The following GABRA2 variants were observed in gnomAD, a reference collection of about 807,000 sequenced individuals.
GABRA2 encodes gamma-aminobutyric acid receptor subunit alpha-2.
A neutral mutation model predicts 48.7 loss-of-function variants in GABRA2; 16 were observed. The ratio of observed to expected loss-of-function variants is 0.33; its 90% confidence interval spans 0.22 to 0.50. The LOEUF is 0.50. Ranked by LOEUF, GABRA2 falls within the 20% of genes least tolerant of loss-of-function variation. The pLI is 0.98. For missense variants in GABRA2, 275 were observed against 535.6 expected (o/e 0.51, Z 4.80); for synonymous variants, 185 against 184.5 (o/e 1.00, Z -0.02).
chr4:46,255,608 T>G (rs1715660894), intron 9 of GABRA2, among the ~76,000 whole-genome samples: 2 of 151,612 alleles, frequency 1.3e-5, no homozygotes, highest in African/African-American at 4.8e-5. Flanking sequence ...AATGTTCAGT[T>G]GTCAATTAAG....
rs1451844605 is a variant in GABRA2 at position 46,249,315 on chromosome 4, G to T, written c.*993C>A. The stretch of plus-strand genomic sequence containing the variant: ...ATTAGTGGCTTCTGAGTCTTGAAAA[G>T]AAGCCTTAAGGCAGAATTTGCAGTA... On this transcript the variant is annotated 3_prime_UTR_variant, in exon 10 of 10. Coordinates refer to ENST00000381620, the MANE Select transcript of GABRA2 (RefSeq NM_000807.4). 3 of 151,336 alleles carry T rather than the reference G, an allele frequency of 2.0e-5. No individual in the cohort carries two copies. The highest frequency in any genetic ancestry group is 3.0e-5 in the Non-Finnish European group (2 of 67,638). 9.4% of individuals were successfully genotyped at this position (151,336 alleles called of 1,614,324 possible).
At chr4:46,256,106 T>C (rs1715765801) in intron 9 of GABRA2, 2 of 441,276 alleles carry the variant, frequency 4.5e-6, no homozygotes, top group Non-Finnish European at 8.1e-6. Flanking sequence ...GAAAGCTCAT[T>C]ACTTGTAAAA....
intron 8 of GABRA2, among the ~76,000 whole-genome samples, chr4:46,276,255 T>C (rs1017408506): frequency 6.6e-6 from 1 of 152,266 alleles, no homozygotes; most frequent in Non-Finnish European, 1.5e-5. Flanking sequence ...AGCAGTAAAT[T>C]CTTCACTCAG....
chr4:46,389,807 G>GAGAGAC lies in GABRA2; in HGVS notation c.-84_-83insGTCTCT. On this transcript the variant is annotated 5_prime_UTR_variant, in exon 1 of 10. Transcript: ENST00000381620. Reference sequence around the variant, plus strand: ...TTGACGAGATAGGAAACTTGGGAGAGAGAGAGAGAGAGAGAGAGAGAGAGA... The same window carrying GAGAGAC: ...TTGACGAGATAGGAAACTTGGGAGAGAGAGACAGAGAGAGAGAGAGAGAGAGAGAGA... 1 of 304,340 alleles carries GAGAGAC rather than the reference G, an allele frequency of 3.3e-6. No individual in the cohort carries two copies. Among genetic ancestry groups the GAGAGAC allele is most frequent in the Admixed American group, 2.4e-4 (1 of 4,094 alleles). 18.9% of individuals were successfully genotyped at this position (304,340 alleles called of 1,614,324 possible).
intron 8 of GABRA2, among the ~76,000 whole-genome samples, chr4:46,264,060 A>C (rs984645056): frequency 6.6e-6 from 1 of 151,888 alleles, no homozygotes; most frequent in Non-Finnish European, 1.5e-5. Flanking sequence ...AAATGTATTT[A>C]TAGATATTGT....
At chr4:46,298,878 T>A (rs1042911350) in intron 8 of GABRA2, among the ~76,000 whole-genome samples, 2 of 151,870 alleles carry the variant, frequency 1.3e-5, no homozygotes, top group African/African-American at 2.4e-5. Flanking sequence ...ACCATTATTA[T>A]CTTGGAATTT....
At chr4:46,349,042 CTG>C (rs1281176393) in intron 3 of GABRA2, among the ~76,000 whole-genome samples, 13 of 151,982 alleles carry the variant, frequency 8.6e-5, no homozygotes, top group Non-Finnish European at 1.9e-4. Context: ...TGCAGAAAGA[CTG>C]TAATTTGCTG....
rs1338061091 is a variant in GABRA2 at position 46,357,338 on chromosome 4, G to T, written c.188-24656C>A. Among the ~76,000 whole-genome samples the T allele has an allele frequency of 2.0e-5, 3 of 149,576 alleles. No individual in the cohort carries two copies. The East Asian group carries it at 5.9e-4, about 30-fold the overall frequency. On this transcript the variant is annotated intron_variant, in intron 3 of 9. Transcript: ENST00000381620. ...CTTGGGGTTCAGGAGGAGAAAAAAG[G>T]GTCTTATTATAGGCCCCATAAGCCC...
intron 8 of GABRA2, among the ~76,000 whole-genome samples, chr4:46,271,492 C>T (rs1719325220): frequency 6.6e-6 from 1 of 151,900 alleles, no homozygotes; most frequent in African/African-American, 2.4e-5. Flanking sequence ...AATACAACCT[C>T]AGCATACTGT....
At position 46,247,917 on chromosome 4, in the gene GABRA2, TC is replaced by T. The variant is rs1339918803; in HGVS notation, c.*2390del. 6.6e-6 allele frequency among the ~76,000 whole-genome samples: 1 copy of T among 151,258 alleles called. No homozygotes were observed. The highest frequency in any genetic ancestry group is 2.4e-5 in the African/African-American group (1 of 41,428). On this transcript the variant is annotated 3_prime_UTR_variant, in exon 10 of 10. Transcript: ENST00000381620. ...TTAAAGAAATAACAAAGAATTCTGATCCCTAGCACTGAAAAATCTGAACTGC... is the reference window on the plus strand; with the variant it reads ...TTAAAGAAATAACAAAGAATTCTGATCCTAGCACTGAAAAATCTGAACTGC...
At chr4:46,377,545 C>T (rs1371887085) in intron 3 of GABRA2, among the ~76,000 whole-genome samples, 1 of 151,682 alleles carries the variant, frequency 6.6e-6, no homozygotes, top group Non-Finnish European at 1.5e-5. Context: ...CCAGCAGCCA[C>T]CCCGTCTGGG....
intron 3 of GABRA2, among the ~76,000 whole-genome samples, chr4:46,345,144 C>G (rs1002791698): frequency 1.3e-5 from 2 of 151,894 alleles, no homozygotes; most frequent in African/African-American, 4.8e-5. Flanking sequence ...TGTTCACACT[C>G]TCTCACCTGC....
intron 8 of GABRA2, among the ~76,000 whole-genome samples, chr4:46,263,462 C>T (rs1489271340): frequency 6.6e-6 from 1 of 151,966 alleles, no homozygotes; most frequent in African/African-American, 2.4e-5. Flanking sequence ...CGCCCATTGT[C>T]CCAGCACCAT....
chr4:46,288,001 G>A (rs575627944), intron 8 of GABRA2, among the ~76,000 whole-genome samples: 1 of 152,100 alleles, frequency 6.6e-6, no homozygotes, highest in Non-Finnish European at 1.5e-5. Flanking sequence ...GAGAGCTTAT[G>A]CAGGGAAACA....
At chr4:46,359,060 T>A (rs559364978) in intron 3 of GABRA2, among the ~76,000 whole-genome samples, 1 of 152,178 alleles carries the variant, frequency 6.6e-6, no homozygotes, top group Non-Finnish European at 1.5e-5. Context: ...AGACATGACA[T>A]CAAAACTTAG....
chr4:46,254,591 G>A (rs1030318180), intron 9 of GABRA2, among the ~76,000 whole-genome samples: 4 of 151,302 alleles, frequency 2.6e-5, no homozygotes, highest in Non-Finnish European at 4.4e-5. Context: ...TCCAGAAGCC[G>A]ATTTTTAAAA....
chr4:46,252,553 C>T (rs972958659), intron 9 of GABRA2, among the ~76,000 whole-genome samples: 14 of 151,390 alleles, frequency 9.2e-5, no homozygotes, highest in African/African-American at 2.7e-4. Context: ...GCTGAAAAAG[C>T]GCTCAAACTT....
At chr4:46,344,559 T>C (rs928047290) in intron 3 of GABRA2, among the ~76,000 whole-genome samples, 1 of 151,750 alleles carries the variant, frequency 6.6e-6, no homozygotes, top group Admixed American at 6.6e-5. Flanking sequence ...CAGAAGATAG[T>C]TGAACATATG....
intron 8 of GABRA2, among the ~76,000 whole-genome samples, chr4:46,295,665 G>A (rs1724499094): frequency 6.6e-6 from 1 of 152,138 alleles, no homozygotes; most frequent in African/African-American, 2.4e-5. Context: ...CCACTGCTGG[G>A]TACCCGATTT....
Sources: allele counts gnomAD v4.1 joint callset (sites outside exome capture counted in the v4.1 genomes callset), GRCh38; gene constraint gnomAD v4.1.1; transcripts MANE v1.5; gene names NCBI Gene and HGNC (gene_info 2026-07-23, HGNC 2026-07-21).